TMEM183A: variants seen among roughly 807,000 people sequenced by gnomAD.
The protein encoded by TMEM183A is transmembrane protein 183A.
A neutral mutation model predicts 46.7 loss-of-function variants in TMEM183A; 21 were observed. The ratio of observed to expected loss-of-function variants is 0.45; its 90% CI spans 0.32 to 0.65. TMEM183A has a LOEUF of 0.65. Among genes scored for constraint, TMEM183A ranks in the 30% least tolerant of loss-of-function variants. The pLI, the probability that TMEM183A is intolerant of heterozygous loss-of-function variation, is 0.04. For synonymous variants in TMEM183A, 165 were observed against 180.2 expected, an observed-to-expected ratio of 0.92 and a Z score of 0.68; for missense variants, 331 against 481.9, an observed-to-expected ratio of 0.69 and a Z score of 2.93.
chr1:203,012,199 CGGCCATTTTTACTTCA>C (rs1656697826), intron 3 of TMEM183A, among the ~76,000 whole-genome samples: 1 of 98,478 alleles, frequency 1.0e-5, no homozygotes, highest in Non-Finnish European at 2.0e-5. Context: ...TATTTTGAAA[CGGCCATTTTTACTTCA>C]ACCATTACTC....
chr1:203,019,612 T>C (rs782784), intron 6 of TMEM183A, among the ~76,000 whole-genome samples: 2,221 of 152,284 alleles, frequency 0.015, 25 homozygotes, highest in South Asian at 0.044. Context: ...TTTGTCAATA[T>C]ATTTATATAT....
rs565989398 is a variant in TMEM183A at position 203,017,160 on chromosome 1, GA to G, written c.708+1022del. Among the ~76,000 whole-genome samples, 9 of 152,172 alleles carry G rather than the reference GA, an allele frequency of 5.9e-5. No individual in the cohort carries two copies. The South Asian group carries it at 1.7e-3, about 28-fold the overall frequency. ...TATCATGCTAACTGGTGGATTTAGA[GA>G]AGGAGTAGAATGCCGGGAGAGTAGA... On this transcript the variant is annotated intron_variant, in intron 5 of 7. Coordinates refer to ENST00000367242, the MANE Select transcript of TMEM183A (RefSeq NM_138391.6).
chr1:203,012,280 G>C (rs1396329980), intron 3 of TMEM183A, among the ~76,000 whole-genome samples: 3 of 66,028 alleles, frequency 4.5e-5, no homozygotes, highest in Admixed American at 1.4e-4. Context: ...CACACACACG[G>C]TTATTTTGAA....
intron 6 of TMEM183A, among the ~76,000 whole-genome samples, chr1:203,019,701 G>A (rs1045936873): frequency 6.6e-6 from 1 of 152,070 alleles, no homozygotes; most frequent in African/African-American, 2.4e-5. Context: ...GTAAGCCTAA[G>A]AGACAGAGAA....
At chr1:203,021,706 C>T (rs961706309) in intron 7 of TMEM183A, among the ~76,000 whole-genome samples, 6 of 152,176 alleles carry the variant, frequency 3.9e-5, no homozygotes, top group Non-Finnish European at 7.3e-5. Context: ...TATCACTGTT[C>T]AAGGCTTGGC....
intron 4 of TMEM183A, chr1:203,015,634 C>T: frequency 3.9e-6 from 1 of 255,390 alleles, no homozygotes; most frequent in East Asian, 8.8e-5. Context: ...GACTGGAGAA[C>T]CTGGTGGCTC....
rs898563514 is a variant in TMEM183A, at chr1:203,020,697, C to T, written c.790-96C>T. ...AGAGAGAAGATAAAAGTGTATCTCA[C>T]TAGCTTTAGTTGAGCCATAGGATTT... On this transcript the variant is annotated intron_variant, in intron 6 of 7. Transcript: ENST00000367242. 23 of 1,466,230 alleles carry T rather than the reference C, an allele frequency of 1.6e-5. No individual in the cohort carries two copies. In the Admixed American group the frequency reaches 3.1e-4, roughly 20 times the overall value. 90.8% of individuals were successfully genotyped at this position (1,466,230 alleles called of 1,614,324 possible). A position where few individuals can be genotyped will look rare whatever the true frequency, so the allele number is the denominator to read the frequency against.
chr1:203,022,718 A>T, intron 7 of TMEM183A, 137 bp from the exon 8 acceptor site: 748 of 1,016,818 alleles, frequency 7.4e-4, no homozygotes, highest in Non-Finnish European at 1.0e-3. Context: ...AAAAAAAAAA[A>T]GGTGTTTGTT....
chr1:203,008,574 C>A, intron 2 of TMEM183A, 69 bp from the exon 3 acceptor site: 1 of 1,313,670 alleles, frequency 7.6e-7, no homozygotes, highest in Non-Finnish European at 9.8e-7. Flanking sequence ...ATGCTGATAC[C>A]TTGGCTAAGT....
chr1:203,007,620 G>C (rs920472917), intron 1 of TMEM183A, 46 bp downstream of exon 1: 1 of 1,529,542 alleles, frequency 6.5e-7, no homozygotes, highest in African/African-American at 1.4e-5. Flanking sequence ...GGGGCTGGCG[G>C]CTGGGAGGGG....
Position 203,007,506 on chromosome 1 carries a change from A to G in TMEM183A, c.41A>G (p.Asp14Gly), listed in dbSNP as rs1213744590. Residue 14 changes from aspartate (D) to glycine (G), a missense_variant, in exon 1 of 8, where the codon GAT (aspartate) becomes GGT (glycine). By Grantham distance (94) the Asp-to-Gly change is moderately conservative (BLOSUM62 -1). Around this residue, in one of 2 missense-constraint regions of TMEM183A, gnomAD observed 98 missense variants for 96.1 expected, o/e 1.02. Coordinates refer to ENST00000367242, the MANE Select transcript of TMEM183A (RefSeq NM_138391.6). ...GGCCCGCTAGGCAGGCCTCGCCCCG[A>G]TACGGTCGCCATGCCCAAGAGAGGA... is the stretch of plus-strand genomic sequence containing the variant. ...GPGPLGRPRP[D>G]TVAMPKRGKR... 3.3e-6 allele frequency: 5 copies of G among 1,528,384 alleles called. No individual in the cohort carries two copies. Among genetic ancestry groups the G allele is most frequent in the Non-Finnish European group, 3.5e-6 (4 of 1,141,486 alleles). The allele number at this position is 1,528,384 out of a possible 1,614,324, so 94.7% of individuals were successfully genotyped here. A position where few individuals can be genotyped will look rare whatever the true frequency, so the allele number is the denominator to read the frequency against.
At chr1:203,011,628 C>T (rs1459246507) in intron 3 of TMEM183A, among the ~76,000 whole-genome samples, 4 of 152,018 alleles carry the variant, frequency 2.6e-5, no homozygotes, top group Admixed American at 6.6e-5. Flanking sequence ...AGGCTGGTCT[C>T]GAACTCCAGA....
chr1:203,022,721 T>C lies in TMEM183A; in HGVS notation c.946-134T>C, dbSNP rs879253237. On this transcript the variant is annotated intron_variant, in intron 7 of 7. Coordinates refer to ENST00000367242, the MANE Select transcript of TMEM183A (RefSeq NM_138391.6). ...CTTTCTCAAAAAAAAAAAAAAAAGG[T>C]GTTTGTTTTATAATTTAGAGATTAA... 5.4e-6 allele frequency: 4 copies of C among 741,590 alleles called. No individual in the cohort carries two copies. The South Asian group carries it at 8.5e-5, about 16-fold the overall frequency. 45.9% of individuals were successfully genotyped at this position (741,590 alleles called of 1,614,324 possible). A position where few individuals can be genotyped will look rare whatever the true frequency, so the allele number is the denominator to read the frequency against.
chr1:203,014,219 T>A (rs912813420), intron 3 of TMEM183A, among the ~76,000 whole-genome samples: 1 of 152,244 alleles, frequency 6.6e-6, no homozygotes, highest in Non-Finnish European at 1.5e-5. Context: ...TGTTTTCTTA[T>A]TAGTAAAATG....
intron 2 of TMEM183A, among the ~76,000 whole-genome samples, chr1:203,008,178 T>C (rs2102528050): frequency 6.6e-6 from 1 of 152,366 alleles, no homozygotes; most frequent in South Asian, 2.1e-4. Context: ...TTAATAACCT[T>C]GGAGTGTTCT....
chr1:203,022,560 G>A (rs1023323468), intron 7 of TMEM183A, among the ~76,000 whole-genome samples: 1 of 151,932 alleles, frequency 6.6e-6, no homozygotes, highest in African/African-American at 2.4e-5. Context: ...AAAATTAGCC[G>A]GTCATGGTGG....
chr1:203,020,693 C>G, intron 6 of TMEM183A, 100 bp from the exon 7 acceptor site: 3 of 1,422,916 alleles, frequency 2.1e-6, no homozygotes, highest in South Asian at 2.5e-5. Context: ...AAAAGTGTAT[C>G]TCACTAGCTT....
Position 203,023,500 on chromosome 1 carries a change from T to C in TMEM183A, c.*460T>C, listed in dbSNP as rs1243006733. 6.5e-6 allele frequency: 1 copy of C among 152,792 alleles called. No homozygotes were observed. Among genetic ancestry groups the C allele is most frequent in the African/African-American group, 2.4e-5 (1 of 41,426 alleles). 9.5% of individuals were successfully genotyped at this position (152,792 alleles called of 1,614,324 possible). A position where few individuals can be genotyped will look rare whatever the true frequency, so the allele number is the denominator to read the frequency against. ...ATATTTTCCCTTCTCCCTTTACCCT[T>C]CTCCAGAAATAAAGCAGGTGACAGG... is the stretch of plus-strand genomic sequence containing the variant. On this transcript the variant is annotated 3_prime_UTR_variant, in exon 8 of 8. Coordinates refer to ENST00000367242, the MANE Select transcript of TMEM183A (RefSeq NM_138391.6).
In TMEM183A at chr1:203,023,950, A is replaced by G. The variant is rs190623851; in HGVS notation, c.*910A>G. On this transcript the variant is annotated 3_prime_UTR_variant, in exon 8 of 8. Transcript: ENST00000367242. ...GGGTAAGTAAAAAATTGATTGTGGT[A>G]TATGTTATTCTAATCAGCCAAAAAA... 1 of 152,352 alleles carries G rather than the reference A, an allele frequency of 6.6e-6. No individual in the cohort carries two copies. Among genetic ancestry groups the G allele is most frequent in the Admixed American group, 6.5e-5 (1 of 15,300 alleles). The allele number at this position is 152,352 out of a possible 1,614,324, so 9.4% of individuals were successfully genotyped here.
Sources: allele counts gnomAD v4.1 joint callset (sites outside exome capture counted in the v4.1 genomes callset), GRCh38; gene constraint gnomAD v4.1.1; regional missense constraint gnomAD v4.1.1; transcripts MANE v1.5; gene names NCBI Gene and HGNC (gene_info 2026-07-23, HGNC 2026-07-21).